Variants in ARID1A observed in about 807,000 individuals in gnomAD.
The protein encoded by ARID1A is AT-rich interaction domain 1A.
A neutral mutation model predicts 212.6 loss-of-function variants in ARID1A; 20 were observed. The observed-to-expected ratio is 0.09, with a 90% CI of 0.07 to 0.14. The LOEUF (loss-of-function observed/expected upper bound fraction) is 0.14. ARID1A is among the 10% of genes least tolerant of loss of function. The pLI is 1.00. For missense variants in ARID1A, 2,587 were observed against 3,059.0 expected (o/e 0.85, Z 3.64); for synonymous variants, 1,376 against 1,222.1 (o/e 1.13, Z -2.63).
chr1:26,778,498 C>G (rs1288074621), intron 19 of ARID1A: 1 of 152,532 alleles, frequency 6.6e-6, no homozygotes, highest in Admixed American at 6.5e-5. Flanking sequence ...AAGCCTCGTC[C>G]CACTCCTTAT....
intron 12 of ARID1A, chr1:26,772,179 G>C: frequency 3.0e-6 from 1 of 330,998 alleles, no homozygotes; most frequent in Non-Finnish European, 5.7e-6. Flanking sequence ...ACAGGGTTTA[G>C]TAGGTTAGAC....
intron 6 of ARID1A, among the ~76,000 whole-genome samples, chr1:26,761,899 A>G (rs1261623135): frequency 6.6e-6 from 1 of 152,012 alleles, no homozygotes; most frequent in Non-Finnish European, 1.5e-5. Flanking sequence ...CAAGTCATTC[A>G]TTTTGGTTTT....
intron 4 of ARID1A, among the ~76,000 whole-genome samples, chr1:26,759,841 T>A (rs1240879322): frequency 4.6e-5 from 7 of 152,202 alleles, no homozygotes; most frequent in Admixed American, 4.6e-4. Context: ...TTGATTACTG[T>A]TATAGACCAG....
chr1:26,737,603 C>A (rs985603627), intron 4 of ARID1A, among the ~76,000 whole-genome samples: 1 of 152,098 alleles, frequency 6.6e-6, no homozygotes, highest in Non-Finnish European at 1.5e-5. Flanking sequence ...CGGTGCCTCA[C>A]GCTTGTAATC....
intron 4 of ARID1A, among the ~76,000 whole-genome samples, chr1:26,754,992 G>A (rs1490586697): frequency 1.3e-5 from 2 of 152,080 alleles, no homozygotes; most frequent in Non-Finnish European, 2.9e-5. Flanking sequence ...GTCTGTAGTC[G>A]CAGCTACTCT....
At chr1:26,777,319 C>T (rs2081145854) in intron 19 of ARID1A, among the ~76,000 whole-genome samples, 1 of 152,082 alleles carries the variant, frequency 6.6e-6, no homozygotes, top group Non-Finnish European at 1.5e-5. Flanking sequence ...TTCCGAGGCT[C>T]AGGTGATCCT....
chr1:26,696,438 G>A lies in ARID1A; in HGVS notation c.35G>A (p.Ser12Asn), dbSNP rs1342376116. 2.3e-6 allele frequency: 3 copies of A among 1,292,370 alleles called. No homozygotes were observed. Among genetic ancestry groups the A allele is most frequent in the African/African-American group, 3.1e-5 (2 of 63,872 alleles). 80.1% of individuals were successfully genotyped at this position (1,292,370 alleles called of 1,614,324 possible). Residue 12 changes from serine (S) to asparagine (N), a missense_variant, in exon 1 of 20, where the codon AGC becomes AAC. Around this residue, in one of 11 missense-constraint regions of ARID1A, gnomAD observed 735 missense variants for 590.6 expected, o/e 1.24. Transcript: ENST00000324856. ...AAQVAPAAAS[S>N]LGNPPPPPPS... The stretch of plus-strand genomic sequence containing the variant: ...CAGGTCGCCCCCGCCGCCGCCAGCA[G>A]CCTGGGCAACCCGCCGCCGCCGCCG...
At chr1:26,700,442 G>A (rs1225740167) in intron 1 of ARID1A, among the ~76,000 whole-genome samples, 3 of 152,156 alleles carry the variant, frequency 2.0e-5, no homozygotes, top group African/African-American at 7.2e-5. Flanking sequence ...GAAGATCTTA[G>A]ACAAACTTTT....
chr1:26,754,819 T>C (rs987432469), intron 4 of ARID1A, among the ~76,000 whole-genome samples: 11 of 152,138 alleles, frequency 7.2e-5, no homozygotes, highest in Non-Finnish European at 1.5e-4. Context: ...AGCTTCCTCA[T>C]CTTCAAATTG....
At chr1:26,769,632 A>G (rs1235166688) in intron 11 of ARID1A, 3 of 152,282 alleles carry the variant, frequency 2.0e-5, no homozygotes, top group African/African-American at 7.2e-5. Context: ...GTGCCTCTTT[A>G]AACTCTTCTT....
rs1570539863 is a variant in ARID1A, at chr1:26,697,070, C to T, written c.667C>T (p.Pro223Ser). The change falls in exon 1 of 20, where the codon CCC becomes TCC. Residue 223 changes from proline (P) to serine (S), a missense_variant. Around this residue, in one of 11 missense-constraint regions of ARID1A, gnomAD observed 735 missense variants for 590.6 expected, o/e 1.24. Coordinates refer to ENST00000324856, the MANE Select transcript of ARID1A (RefSeq NM_006015.6). ...NSYYPNRSAY[P>S]PPAPAYALSS... Reference sequence around the variant, plus strand: ...CTACTACCCCAACCGCAGCGCCTACCCCCCGCCCGCCCCGGCCTACGCGCT... The same window carrying T: ...CTACTACCCCAACCGCAGCGCCTACTCCCCGCCCGCCCCGGCCTACGCGCT... The T allele has an allele frequency of 2.0e-6, 3 of 1,502,592 alleles. No homozygotes were observed. The highest frequency in any genetic ancestry group is 1.3e-5 in the South Asian group (1 of 77,610). 93.1% of individuals were successfully genotyped at this position (1,502,592 alleles called of 1,614,324 possible). A position where few individuals can be genotyped will look rare whatever the true frequency, so the allele number is the denominator to read the frequency against.
intron 8 of ARID1A, 45 bp from the exon 9 acceptor site, chr1:26,766,176 C>T (rs764843643): frequency 1.9e-6 from 3 of 1,587,236 alleles, no homozygotes. Flanking sequence ...TCTAAAAGCT[C>T]AGAGTCTAAC....
intron 4 of ARID1A, among the ~76,000 whole-genome samples, chr1:26,755,875 C>G (rs1000711144): frequency 6.6e-6 from 1 of 151,874 alleles, no homozygotes; most frequent in Non-Finnish European, 1.5e-5. Context: ...TCCCGAGTAA[C>G]TGGGACTGCA....
intron 4 of ARID1A, among the ~76,000 whole-genome samples, chr1:26,734,398 G>A (rs1483818413): frequency 7.0e-6 from 1 of 142,526 alleles, no homozygotes; most frequent in Non-Finnish European, 1.5e-5. Context: ...GATGCTACAT[G>A]CCTTGTAAGG....
Position 26,781,956 on chromosome 1 carries a change from A to G in ARID1A, c.*1200A>G, listed in dbSNP as rs147234817. On this transcript the variant is annotated 3_prime_UTR_variant, in exon 20 of 20. Transcript: ENST00000324856. ...AGATTTTTTCAGTGATAAAATCTGCATATTTGTATTTCAACAATGTAGCTA... is the reference window on the plus strand; with the variant it reads ...AGATTTTTTCAGTGATAAAATCTGCGTATTTGTATTTCAACAATGTAGCTA... 5.8e-4 allele frequency: 135 copies of G among 233,630 alleles called. No homozygotes were observed. The highest frequency in any genetic ancestry group is 2.7e-3 in the African/African-American group (124 of 45,472). The allele number at this position is 233,630 out of a possible 1,614,324, so 14.5% of individuals were successfully genotyped here. A position where few individuals can be genotyped will look rare whatever the true frequency, so the allele number is the denominator to read the frequency against.
intron 1 of ARID1A, among the ~76,000 whole-genome samples, chr1:26,722,853 G>A (rs920729884): frequency 1.1e-4 from 17 of 152,124 alleles, no homozygotes; most frequent in Non-Finnish European, 7.4e-5. Flanking sequence ...GAAATCTTTA[G>A]TGTTGTCTCT....
rs561684429 is a variant in ARID1A, at chr1:26,762,162, G to A, written c.2262G>A (p.Gln754=). 1 of 1,613,128 alleles carries A rather than the reference G, an allele frequency of 6.2e-7. No homozygotes were observed. The highest frequency in any genetic ancestry group is 1.3e-5 in the African/African-American group (1 of 74,984). The change falls in exon 7 of 20, where the codon CAG becomes CAA. Residue 754 remains glutamine, a synonymous_variant. Transcript: ENST00000324856. ...GCTACCCACAAATAGGTTATATGCA[G>A]AGGAACCCCCAGATGCCCCAGTACA... ...SSIAQDRGYM[Q]RNPQMPQYSS...
chr1:26,715,875 A>G (rs1029161061), intron 1 of ARID1A, among the ~76,000 whole-genome samples: 2 of 151,894 alleles, frequency 1.3e-5, no homozygotes, highest in Admixed American at 6.6e-5. Context: ...GGCCTTGCCA[A>G]TGTAAGAAGT....
At chr1:26,728,260 C>A (rs972908811) in intron 1 of ARID1A, among the ~76,000 whole-genome samples, 6 of 152,004 alleles carry the variant, frequency 3.9e-5, no homozygotes, top group African/African-American at 1.2e-4. Context: ...TCTTTTTTCC[C>A]TTTGATATTA....
Sources: gnomAD v4.1 joint callset for allele counts (sites outside exome capture counted in the v4.1 genomes callset) on GRCh38, gnomAD v4.1.1 for gene constraint, gnomAD v4.1.1 regional missense constraint, MANE v1.5 for transcripts, NCBI Gene and HGNC (gene_info 2026-07-23, HGNC 2026-07-21) for gene names.